Variants in METTL4 observed in about 807,000 individuals in gnomAD.
METTL4 encodes the protein methyltransferase 4, N6-adenosine.
A neutral mutation model predicts 54.0 loss-of-function variants in METTL4; 40 were observed. The ratio of observed to expected loss-of-function variants is 0.74; its 90% CI spans 0.58 to 0.96. METTL4 has a LOEUF of 0.96. Ranked by LOEUF, METTL4 falls within the 50% of genes least tolerant of loss-of-function variation. The pLI is 0.00. For missense variants in METTL4, 525 were observed against 549.0 expected (o/e 0.96, Z 0.44); for synonymous variants, 169 against 183.8 (o/e 0.92, Z 0.65).
At chr18:2,539,510 C>T (rs2071963018) in intron 8 of METTL4, among the ~76,000 whole-genome samples, 1 of 146,450 alleles carries the variant, frequency 6.8e-6, no homozygotes, top group Non-Finnish European at 1.5e-5. Context: ...AGACAAGAGT[C>T]TCGCACTGTC....
chr18:2,561,020 A>G (rs2072309333), intron 3 of METTL4, among the ~76,000 whole-genome samples: 2 of 152,198 alleles, frequency 1.3e-5, no homozygotes, highest in South Asian at 4.1e-4. Flanking sequence ...CAATAGGTTC[A>G]TGGAAAAAAA....
rs2072181642 is a variant in METTL4 at position 2,552,742 on chromosome 18, A to G, written c.852T>C (p.Ile284=). Residue 284 remains isoleucine (I), a synonymous_variant, in exon 5 of 9, where the codon ATT becomes ATC. Coordinates refer to ENST00000574538, the MANE Select transcript of METTL4 (RefSeq NM_022840.5). ...TGTTCTGCCATGGTGGATCTATCAC[A>G]ATTACATCAAATGTTTTCCTATCTG... ...LLNYRKTFDV[I]VIDPPWQNKS... The G allele has an allele frequency of 1.2e-6, 2 of 1,610,366 alleles. No individual in the cohort carries two copies. Among genetic ancestry groups the G allele is most frequent in the Non-Finnish European group, 1.7e-6 (2 of 1,177,914 alleles).
intron 2 of METTL4, 25 bp from the exon 3 acceptor site, chr18:2,563,884 G>A: frequency 6.4e-7 from 1 of 1,560,444 alleles, no homozygotes; most frequent in Non-Finnish European, 8.8e-7. Context: ...AATTACAGGG[G>A]AAAAGTTATG....
chr18:2,540,979 G>C (rs1166626032), intron 8 of METTL4: 1 of 934,104 alleles, frequency 1.1e-6, no homozygotes, highest in African/African-American at 1.8e-5. Context: ...TGTTTTATGA[G>C]AGTTTACAAT....
chr18:2,560,532 T>A (rs148031261), intron 3 of METTL4, among the ~76,000 whole-genome samples: 1 of 152,188 alleles, frequency 6.6e-6, no homozygotes, highest in East Asian at 1.9e-4. Flanking sequence ...AAGAAGTAAA[T>A]ATATCAGACC....
At chr18:2,563,600 C>CAAAAAA (rs67428228) in intron 3 of METTL4, among the ~76,000 whole-genome samples, 197 bp downstream of exon 3, 4 of 97,786 alleles carry the variant, frequency 4.1e-5, no homozygotes, top group Admixed American at 1.3e-4. Context: ...GACTCTGCCT[C>CAAAAAA]AAAAAAAAAA....
chr18:2,566,788 G>A (rs949381992), intron 2 of METTL4, 33 bp downstream of exon 2: 1 of 1,446,000 alleles, frequency 6.9e-7, no homozygotes, highest in African/African-American at 1.4e-5. Flanking sequence ...TATGTTTTCT[G>A]GAGAAAAATA....
intron 5 of METTL4, among the ~76,000 whole-genome samples, chr18:2,552,149 C>T (rs540233865): frequency 6.6e-5 from 10 of 151,852 alleles, no homozygotes; most frequent in East Asian, 3.9e-4. Flanking sequence ...GCCAAGATCG[C>T]GCCACTGCAC....
Position 2,567,142 on chromosome 18 carries a change from T to G in METTL4, c.75A>C (p.Gln25His). ...AACAAGGTTCATGATGCTGGTGAAG[T>G]TGATAGTTTATCTTGTTGATAAAAG... ...HLSFINKINY[Q>H]LHQHHEPCCR... is the part of the protein sequence containing the mutation. Residue 25 changes from glutamine (Q) to histidine (H), a missense_variant, in exon 2 of 9, where the codon CAA becomes CAC. By Grantham distance (24) the Gln-to-His change is conservative. Coordinates refer to ENST00000574538, the MANE Select transcript of METTL4 (RefSeq NM_022840.5). 1 of 1,614,078 alleles carries G rather than the reference T, an allele frequency of 6.2e-7. No individual in the cohort carries two copies. The highest frequency in any genetic ancestry group is 2.2e-5 in the East Asian group (1 of 44,866).
chr18:2,539,616 G>T (rs1267874931), intron 8 of METTL4, among the ~76,000 whole-genome samples: 1 of 151,268 alleles, frequency 6.6e-6, no homozygotes, highest in African/African-American at 2.4e-5. Flanking sequence ...CAAGTAGCTG[G>T]GATTACAGGC....
intron 5 of METTL4, among the ~76,000 whole-genome samples, chr18:2,550,892 C>T (rs529748330): frequency 5.3e-5 from 8 of 152,190 alleles, no homozygotes; most frequent in South Asian, 4.1e-4. Context: ...CAGCCGGGCG[C>T]GGTGGCTCAC....
In METTL4 at chr18:2,567,342, T is replaced by C. The variant is rs1238253870; in HGVS notation, c.-126A>G. ...TTCATACACACAGATAGATTTGATA[T>C]ACAAGTACAAAAACCTGACATGCAC... On this transcript the variant is annotated 5_prime_UTR_variant, in exon 2 of 9. Coordinates refer to ENST00000574538, the MANE Select transcript of METTL4 (RefSeq NM_022840.5). The C allele has an allele frequency of 3.9e-6, 3 of 774,462 alleles. No individual in the cohort carries two copies. Among genetic ancestry groups the C allele is most frequent in the Admixed American group, 3.2e-5 (1 of 31,130 alleles). 48.0% of individuals were successfully genotyped at this position (774,462 alleles called of 1,614,324 possible). A position where few individuals can be genotyped will look rare whatever the true frequency, so the allele number is the denominator to read the frequency against.
chr18:2,547,538 A>G lies in METTL4; in HGVS notation c.900-9T>C. 1 of 1,556,392 alleles carries G rather than the reference A, an allele frequency of 6.4e-7. No homozygotes were observed. The highest frequency in any genetic ancestry group is 8.7e-7 in the Non-Finnish European group (1 of 1,151,832). ...GTGACAAATAACTGTACCTAAAAATAAACGGAAAAAAGGATGAGCAAAATT... is the reference window on the plus strand; with the variant it reads ...GTGACAAATAACTGTACCTAAAAATGAACGGAAAAAAGGATGAGCAAAATT... On this transcript the variant is annotated splice_polypyrimidine_tract_variant and intron_variant, in intron 5 of 8. Coordinates refer to ENST00000574538, the MANE Select transcript of METTL4 (RefSeq NM_022840.5).
chr18:2,547,393 A>C lies in METTL4; in HGVS notation c.1036T>G (p.Trp346Gly), dbSNP rs1485192731. 5 of 1,608,248 alleles carry C rather than the reference A, an allele frequency of 3.1e-6. No homozygotes were observed. The highest frequency in any genetic ancestry group is 3.4e-6 in the Non-Finnish European group (4 of 1,177,644). ...CACTCAGCAACTACCTCCACAGACC[A>C]AGAGGGATAAAGTTCTTCCTTTATA... Reference protein sequence around the residue: ...RFIKEELYPSWSVEVVAEWHW... With the variant: ...RFIKEELYPSGSVEVVAEWHW... Residue 346 changes from tryptophan to glycine, a missense_variant, in exon 6 of 9, where the codon TGG becomes GGG. Trp to Gly is a radical substitution (Grantham distance 184). Coordinates refer to ENST00000574538, the MANE Select transcript of METTL4 (RefSeq NM_022840.5).
At position 2,557,261 on chromosome 18, in the gene METTL4, A is replaced by C. The variant is rs73376289; in HGVS notation, c.460-2223T>G. The stretch of plus-strand genomic sequence containing the variant: ...AATTTACCTATGTACTGATCAGTAC[A>C]AGTGTGTGAAGGAACTATCAGAAGC... On this transcript the variant is annotated intron_variant, in intron 3 of 8. Transcript: ENST00000574538. 7.0e-3 allele frequency among the ~76,000 whole-genome samples: 1,071 copies of C among 152,286 alleles called. 13 individuals carry two copies. The highest frequency in any genetic ancestry group is 0.025 in the African/African-American group (1,019 of 41,544).
chr18:2,547,399 G>C lies in METTL4; in HGVS notation c.1030C>G (p.Pro344Ala). ...HLRFIKEELY[P>A]SWSVEVVAEW... ...GCAACTACCTCCACAGACCAAGAGG[G>C]ATAAAGTTCTTCCTTTATAAAACGT... Residue 344 changes from proline to alanine, a missense_variant, in exon 6 of 9, where the codon CCC becomes GCC. By Grantham distance (27) the Pro-to-Ala change is conservative (BLOSUM62 -1). Transcript: ENST00000574538. 2 of 1,610,570 alleles carry C rather than the reference G, an allele frequency of 1.2e-6. No homozygotes were observed. Among genetic ancestry groups the C allele is most frequent in the South Asian group, 2.2e-5 (2 of 90,444 alleles).
intron 5 of METTL4, among the ~76,000 whole-genome samples, chr18:2,551,430 T>C (rs2072158883): frequency 6.6e-6 from 1 of 152,002 alleles, no homozygotes; most frequent in Non-Finnish European, 1.5e-5. Flanking sequence ...TGGCCAGGCA[T>C]GATGGCTCAC....
intron 3 of METTL4, 142 bp from the exon 4 acceptor site, chr18:2,555,180 ATG>A (rs1326855854): frequency 2.2e-6 from 2 of 900,230 alleles, no homozygotes; most frequent in Non-Finnish European, 3.4e-6. Flanking sequence ...AATGAAAAGA[ATG>A]TGTGAGCACG....
At chr18:2,539,483 T>A (rs55911001) in intron 8 of METTL4, among the ~76,000 whole-genome samples, 32,891 of 141,312 alleles carry the variant, frequency 0.23, 3,426 homozygotes, top group South Asian at 0.3. Flanking sequence ...ATTTATTTAA[T>A]TTTTTTTTTT....
Sources: gnomAD v4.1 joint callset for allele counts (sites outside exome capture counted in the v4.1 genomes callset) on GRCh38, gnomAD v4.1.1 for gene constraint, MANE v1.5 for transcripts, NCBI Gene and HGNC (gene_info 2026-07-23, HGNC 2026-07-21) for gene names.